SOS1: variants seen among roughly 807,000 people sequenced by gnomAD.
SOS1 encodes the protein SOS Ras/Rac guanine nucleotide exchange factor 1.
SOS1 carries 25 observed loss-of-function variants against 157.6 expected under a neutral mutation model. That is an observed-to-expected ratio of 0.16 (90% confidence interval 0.12 to 0.22). The LOEUF (loss-of-function observed/expected upper bound fraction) is 0.22, where lower values mean the gene tolerates loss of function less well. SOS1 is among the 10% of genes least tolerant of loss of function. The pLI is 1.00. For synonymous variants in SOS1, 528 were observed against 534.0 expected (o/e 0.99, Z 0.16); for missense variants, 1,237 against 1,599.1 (o/e 0.77, Z 3.86).
chr2:38,991,363 T>G (rs1200908129), intron 20 of SOS1, among the ~76,000 whole-genome samples: 1 of 152,214 alleles, frequency 6.6e-6, no homozygotes, highest in Non-Finnish European at 1.5e-5. Context: ...TTGACATACT[T>G]GTAATACATT....
chr2:39,122,580 C>T (rs1250005002), upstream of SOS1, among the ~76,000 whole-genome samples: 1 of 151,970 alleles, frequency 6.6e-6, no homozygotes, highest in African/African-American at 2.4e-5. Context: ...ACCAGGCTGG[C>T]GAGACCCATC....
chr2:39,053,567 T>G (rs1237819162), intron 5 of SOS1, among the ~76,000 whole-genome samples: 1 of 152,218 alleles, frequency 6.6e-6, no homozygotes, highest in African/African-American at 2.4e-5. Flanking sequence ...ATAATCTCCT[T>G]TATTTTTTAA....
intron 6 of SOS1, among the ~76,000 whole-genome samples, chr2:39,040,546 C>T (rs905394918): frequency 6.6e-6 from 1 of 152,140 alleles, no homozygotes. Context: ...AATTTGACTA[C>T]TCCAGTTACC....
chr2:39,119,617 C>A (rs1673788280), intron 1 of SOS1, among the ~76,000 whole-genome samples: 3 of 152,214 alleles, frequency 2.0e-5, no homozygotes, highest in African/African-American at 4.8e-5. Context: ...AAGAACACTT[C>A]CTAATTATAC....
At chr2:39,072,303 C>A (rs1558500318) in intron 1 of SOS1, among the ~76,000 whole-genome samples, 3 of 152,140 alleles carry the variant, frequency 2.0e-5, no homozygotes, top group Admixed American at 6.5e-5. Context: ...TTGCTTTTCA[C>A]TCTAAACCCC....
At chr2:38,994,374 C>T (rs968127216) in intron 20 of SOS1, among the ~76,000 whole-genome samples, 3 of 152,078 alleles carry the variant, frequency 2.0e-5, no homozygotes, top group African/African-American at 7.2e-5. Context: ...AGATTTGTTT[C>T]GCTGCACTGA....
In SOS1 at chr2:39,087,407, T is replaced by G. The variant is rs565446325; in HGVS notation, c.88-19654A>C. The stretch of plus-strand genomic sequence containing the variant: ...TAATAAAGTGGTCTTAAGTCTATGG[T>G]TCATGATTAACTTAGTAATTTTACA... On this transcript the variant is annotated intron_variant, in intron 1 of 22. Transcript: ENST00000402219. Among the ~76,000 whole-genome samples, 10 of 152,334 alleles carry G rather than the reference T, an allele frequency of 6.6e-5. No individual in the cohort carries two copies. In the East Asian group the frequency reaches 1.7e-3, roughly 26 times the overall value.
chr2:39,098,826 T>A (rs1353952253), intron 1 of SOS1, among the ~76,000 whole-genome samples: 1 of 151,992 alleles, frequency 6.6e-6, no homozygotes, highest in East Asian at 1.9e-4. Flanking sequence ...AAGGTGGAGG[T>A]TGCAGTGAGC....
chr2:39,090,994 G>A (rs191634319), intron 1 of SOS1, among the ~76,000 whole-genome samples: 1 of 151,990 alleles, frequency 6.6e-6, no homozygotes, highest in Non-Finnish European at 1.5e-5. Context: ...TCAGCCTCCC[G>A]AGTAAATGGG....
At chr2:39,083,310 C>T (rs528941099) in intron 1 of SOS1, among the ~76,000 whole-genome samples, 1 of 152,028 alleles carries the variant, frequency 6.6e-6, no homozygotes, top group South Asian at 2.1e-4. Flanking sequence ...CACCTACATC[C>T]AAGCAGCAAG....
In SOS1 at chr2:38,986,727, A is replaced by AC. The variant is rs547790455; in HGVS notation, c.3511-413_3511-412insG. Among the ~76,000 whole-genome samples the AC allele has an allele frequency of 3.4e-3, 524 of 152,212 alleles. 2 individuals carry two copies. The highest frequency in any genetic ancestry group is 0.012 in the African/African-American group (502 of 41,544). On this transcript the variant is annotated intron_variant, in intron 22 of 22. Transcript: ENST00000402219. ...GTTCTGTCAATTCATAGAAAAAAAA[A>AC]GTTTGCCGTAGTTTTTACTTAAATT...
intron 2 of SOS1, among the ~76,000 whole-genome samples, chr2:39,064,122 G>C (rs754410014): frequency 3.9e-5 from 6 of 152,066 alleles, no homozygotes; most frequent in Non-Finnish European, 8.8e-5. Flanking sequence ...GTGTGATCCA[G>C]CCACCACACC....
intron 1 of SOS1, among the ~76,000 whole-genome samples, chr2:39,109,730 C>T (rs997136323): frequency 2.0e-5 from 3 of 152,182 alleles, no homozygotes; most frequent in Non-Finnish European, 4.4e-5. Flanking sequence ...ACAACTGGGA[C>T]ATTACCACTT....
At chr2:39,095,504 C>T (rs1672740225) in intron 1 of SOS1, among the ~76,000 whole-genome samples, 1 of 152,160 alleles carries the variant, frequency 6.6e-6, no homozygotes, top group African/African-American at 2.4e-5. Flanking sequence ...CAAAATGTGG[C>T]TCATAAGTAC....
In SOS1 at chr2:38,997,415, G is replaced by C; in HGVS notation, c.2802C>G (p.Leu934=). The C allele has an allele frequency of 6.2e-7, 1 of 1,603,056 alleles. No individual in the cohort carries two copies. ...CTTCTTCTGTTTTCAAGATATTAGT[G>C]AGATAAATTCCTAGAAGATATAATG... ...PPCVPFFGIY[L]TNILKTEEGN... The change falls in exon 18 of 23, where the codon CTC becomes CTG. Residue 934 remains leucine, a synonymous_variant. Transcript: ENST00000402219.
intron 1 of SOS1, among the ~76,000 whole-genome samples, chr2:39,085,124 C>T (rs561815135): frequency 5.9e-5 from 9 of 152,166 alleles, no homozygotes; most frequent in Admixed American, 5.9e-4. Context: ...CAGCTCACTG[C>T]AGCCTTGACC....
At chr2:39,058,167 C>T (rs966948429) in intron 3 of SOS1, among the ~76,000 whole-genome samples, 6 of 151,912 alleles carry the variant, frequency 3.9e-5, no homozygotes, top group African/African-American at 9.7e-5. Flanking sequence ...TTCGAGCTTC[C>T]GGCAGTTATT....
intron 6 of SOS1, among the ~76,000 whole-genome samples, chr2:39,047,792 C>T (rs1670844428): frequency 2.6e-5 from 4 of 151,394 alleles, no homozygotes; most frequent in Admixed American, 2.6e-4. Flanking sequence ...CTCAGATTCT[C>T]GAGTAACCGG....
In SOS1 at chr2:39,072,159, C is replaced by G. The variant is rs544078445; in HGVS notation, c.88-4406G>C. The stretch of plus-strand genomic sequence containing the variant: ...GTCCTTATACTCTTACTGGGTTAAT[C>G]CCTATACTATATATCACATTTCTGT... On this transcript the variant is annotated intron_variant, in intron 1 of 22. Transcript: ENST00000402219. Among the ~76,000 whole-genome samples the G allele has an allele frequency of 2.1e-3, 313 of 152,204 alleles. 1 individual carries two copies. The highest frequency in any genetic ancestry group is 7.2e-3 in the African/African-American group (298 of 41,538).
Sources: allele counts gnomAD v4.1 joint callset (sites outside exome capture counted in the v4.1 genomes callset), GRCh38; gene constraint gnomAD v4.1.1; transcripts MANE v1.5; gene names NCBI Gene and HGNC (gene_info 2026-07-23, HGNC 2026-07-21).